Variants in DLG2 observed in about 807,000 individuals in gnomAD.
The protein encoded by DLG2 is disks large homolog 2.
A neutral mutation model predicts 132.5 loss-of-function variants in DLG2; 45 were observed. That is an observed-to-expected ratio of 0.34 (90% CI 0.27 to 0.44). The LOEUF (loss-of-function observed/expected upper bound fraction) is 0.44. DLG2 is among the 20% of genes least tolerant of loss of function. The pLI, the probability that DLG2 is intolerant of heterozygous loss-of-function variation, is 1.00. For missense variants in DLG2, 1,045 were observed against 1,196.9 expected (o/e 0.87, Z 1.87); for synonymous variants, 424 against 419.6 (o/e 1.01, Z -0.13).
chr11:84,923,347 A>T, intron 6 of DLG2: 13 of 1,216,390 alleles, frequency 1.1e-5, no homozygotes, highest in Non-Finnish European at 1.3e-5. Flanking sequence ...CAGTAATTTC[A>T]ATTAGATGAG....
chr11:85,011,093 GACAA>G (rs2059115860), intron 6 of DLG2, among the ~76,000 whole-genome samples: 2 of 152,104 alleles, frequency 1.3e-5, no homozygotes, highest in African/African-American at 4.8e-5. Flanking sequence ...TCAGTCATGT[GACAA>G]ACAAAAAATT....
chr11:84,756,534 GC>G (rs2066896409), intron 6 of DLG2, among the ~76,000 whole-genome samples: 1 of 152,112 alleles, frequency 6.6e-6, no homozygotes, highest in East Asian at 1.9e-4. Flanking sequence ...TGGGTAAATT[GC>G]TTAAAATTTC....
chr11:84,590,142 T>C (rs2099539321), intron 6 of DLG2, among the ~76,000 whole-genome samples: 1 of 152,194 alleles, frequency 6.6e-6, no homozygotes, highest in Admixed American at 6.5e-5. Context: ...AGGTTTGCAT[T>C]TACACTTGCT....
At chr11:85,016,026 A>G (rs1411040236) in intron 6 of DLG2, among the ~76,000 whole-genome samples, 1 of 152,164 alleles carries the variant, frequency 6.6e-6, no homozygotes, top group Non-Finnish European at 1.5e-5. Context: ...AGTAATTTTC[A>G]AAAGTTTAAA....
chr11:84,507,904 A>G (rs2099246226), intron 7 of DLG2, among the ~76,000 whole-genome samples: 1 of 152,318 alleles, frequency 6.6e-6, no homozygotes, highest in East Asian at 1.9e-4. Flanking sequence ...ATCCTTTAAA[A>G]TAATCTCAGA....
chr11:84,909,456 TAG>T (rs1244620559), intron 6 of DLG2, among the ~76,000 whole-genome samples: 1 of 152,182 alleles, frequency 6.6e-6, no homozygotes, highest in Non-Finnish European at 1.5e-5. Context: ...GTTTCAGTTT[TAG>T]AGTCTGTTTA....
chr11:85,402,455 C>A (rs1341795388), intron 3 of DLG2, among the ~76,000 whole-genome samples: 1 of 152,090 alleles, frequency 6.6e-6, no homozygotes, highest in East Asian at 1.9e-4. Flanking sequence ...ACTAAAACAC[C>A]AAAAGCAATG....
intron 10 of DLG2, among the ~76,000 whole-genome samples, chr11:84,087,336 A>G (rs1403992961): frequency 6.6e-6 from 1 of 152,138 alleles, no homozygotes; most frequent in Non-Finnish European, 1.5e-5. Flanking sequence ...CTTTTTTATT[A>G]TAGCCATTCT....
chr11:85,370,641 T>C (rs1403752451), intron 3 of DLG2, among the ~76,000 whole-genome samples: 2 of 152,204 alleles, frequency 1.3e-5, no homozygotes, highest in Non-Finnish European at 2.9e-5. Context: ...TCTGGAATTC[T>C]ATTTTATAAT....
chr11:84,047,739 A>G (rs1418476740), intron 11 of DLG2, among the ~76,000 whole-genome samples: 1 of 151,676 alleles, frequency 6.6e-6, no homozygotes, highest in Admixed American at 6.6e-5. Flanking sequence ...TCAGCTTTAA[A>G]CAGCAAATAA....
intron 9 of DLG2, among the ~76,000 whole-genome samples, chr11:84,106,402 T>G (rs1442737753): frequency 3.9e-5 from 6 of 152,142 alleles, no homozygotes; most frequent in Non-Finnish European, 7.4e-5. Context: ...GGTGAGAAAA[T>G]AATGCAGACA....
At chr11:84,217,692 C>T (rs992721815) in intron 8 of DLG2, among the ~76,000 whole-genome samples, 2 of 152,186 alleles carry the variant, frequency 1.3e-5, no homozygotes, top group African/African-American at 4.8e-5. Flanking sequence ...ACTTAACAGA[C>T]ACATTCCATG....
intron 6 of DLG2, among the ~76,000 whole-genome samples, chr11:84,572,385 A>G (rs537798355): frequency 1.3e-5 from 2 of 152,284 alleles, no homozygotes; most frequent in East Asian, 3.9e-4. Flanking sequence ...CTACACTTCA[A>G]GAAGCCTTGC....
At chr11:84,826,056 T>C (rs1244742665) in intron 6 of DLG2, among the ~76,000 whole-genome samples, 38 of 151,880 alleles carry the variant, frequency 2.5e-4, no homozygotes, top group Admixed American at 2.5e-3. Context: ...CTTTTCTTAA[T>C]TTTTAATTTT....
chr11:85,230,467 T>C (rs981794095), intron 4 of DLG2, among the ~76,000 whole-genome samples: 8 of 151,772 alleles, frequency 5.3e-5, no homozygotes, highest in Non-Finnish European at 1.2e-4. Context: ...AATATATATT[T>C]ATATTCATTT....
At chr11:85,487,761 A>T (rs1031841464) in intron 3 of DLG2, among the ~76,000 whole-genome samples, 1 of 152,204 alleles carries the variant, frequency 6.6e-6, no homozygotes, top group Non-Finnish European at 1.5e-5. Flanking sequence ...TAATAGATGA[A>T]AATTTCCCAA....
rs1284319609 is a variant in DLG2 at position 84,714,623 on chromosome 11, T to TTCTC, written c.358-179896_358-179893dup. 5.3e-4 allele frequency among the ~76,000 whole-genome samples: 56 copies of TTCTC among 105,034 alleles called. 1 individual carries two copies. Among genetic ancestry groups the TTCTC allele is most frequent in the East Asian group, 2.0e-3 (8 of 3,908 alleles). 68.9% of individuals were successfully genotyped at this position (105,034 alleles called of 152,430 possible). On this transcript the variant is annotated intron_variant, in intron 6 of 27. Coordinates refer to ENST00000376104, the MANE Select transcript of DLG2 (RefSeq NM_001142699.3). The stretch of plus-strand genomic sequence containing the variant: ...TTTCTCTTTCTCTTTCTCTTTCTCT[T>TTCTC]TCTCTCTCTCTCTCTCTCTCTCTTT...
At chr11:84,475,085 G>A (rs1241307154) in intron 7 of DLG2, among the ~76,000 whole-genome samples, 2 of 152,092 alleles carry the variant, frequency 1.3e-5, no homozygotes, top group Non-Finnish European at 2.9e-5. Context: ...AAATATAGAA[G>A]CATGAGCTGA....
intron 7 of DLG2, among the ~76,000 whole-genome samples, chr11:84,454,431 G>A (rs1171093878): frequency 3.3e-5 from 5 of 151,464 alleles, no homozygotes; most frequent in Non-Finnish European, 7.4e-5. Flanking sequence ...AGAAATGTTT[G>A]GGAGTTTCTG....
Sources: gnomAD v4.1 joint callset for allele counts (sites outside exome capture counted in the v4.1 genomes callset) on GRCh38, gnomAD v4.1.1 for gene constraint, MANE v1.5 for transcripts, NCBI Gene and HGNC (gene_info 2026-07-23, HGNC 2026-07-21) for gene names.